The following DPYD variants were observed in gnomAD, a reference collection of about 807,000 sequenced individuals.
DPYD encodes dihydropyrimidine dehydrogenase [NADP(+)].
A neutral mutation model predicts 116.2 loss-of-function variants in DPYD; 109 were observed. That is an observed-to-expected ratio of 0.94 (90% CI 0.80 to 1.10). The LOEUF (loss-of-function observed/expected upper bound fraction) is 1.10. DPYD is among the 50% of genes least tolerant of loss of function. The pLI is 0.00. For synonymous variants in DPYD, 440 were observed against 432.0 expected (o/e 1.02, Z -0.23); for missense variants, 1,302 against 1,254.5 (o/e 1.04, Z -0.57).
At chr1:97,108,587 G>C (rs147633082) in intron 20 of DPYD, among the ~76,000 whole-genome samples, 1 of 152,166 alleles carries the variant, frequency 6.6e-6, no homozygotes, top group East Asian at 1.9e-4. Flanking sequence ...AACTGTTTTA[G>C]ACTTCATTAG....
intron 11 of DPYD, among the ~76,000 whole-genome samples, chr1:97,564,966 C>T (rs970030817): frequency 1.3e-5 from 2 of 152,044 alleles, no homozygotes; most frequent in South Asian, 2.1e-4. Context: ...GTACCTTTCT[C>T]GCCTCTCTCC....
intron 13 of DPYD, among the ~76,000 whole-genome samples, chr1:97,509,892 T>C (rs1433025855): frequency 6.6e-6 from 1 of 151,938 alleles, no homozygotes; most frequent in Non-Finnish European, 1.5e-5. Context: ...AAAAGAATTA[T>C]GGATGTGACT....
chr1:97,687,019 C>T (rs1660773452), intron 7 of DPYD, among the ~76,000 whole-genome samples: 1 of 152,036 alleles, frequency 6.6e-6, no homozygotes, highest in African/African-American at 2.4e-5. Flanking sequence ...GTCTGTAATC[C>T]CAGCAATTTG....
chr1:97,258,392 G>C (rs540382165), intron 18 of DPYD, among the ~76,000 whole-genome samples: 7 of 152,260 alleles, frequency 4.6e-5, no homozygotes, highest in South Asian at 4.1e-4. Flanking sequence ...TACTTTCAGG[G>C]ACAGCCCTTA....
intron 13 of DPYD, among the ~76,000 whole-genome samples, chr1:97,508,957 T>C (rs1647569851): frequency 6.6e-6 from 1 of 151,936 alleles, no homozygotes; most frequent in South Asian, 2.1e-4. Context: ...AAGTCCAGTG[T>C]AGTCTCTTTG....
chr1:97,737,764 T>C (rs1050630712), intron 4 of DPYD, among the ~76,000 whole-genome samples: 1 of 151,886 alleles, frequency 6.6e-6, no homozygotes, highest in Admixed American at 6.6e-5. Context: ...CTCTCAACCA[T>C]ATATATATAC....
rs984353001 is a variant in DPYD at position 97,779,606 on chromosome 1, C to T, written c.234-39127G>A. On this transcript the variant is annotated intron_variant, in intron 3 of 22. Coordinates refer to ENST00000370192, the MANE Select transcript of DPYD (RefSeq NM_000110.4). ...ATTCTTCTCTATGGATCCAGTGATT[C>T]ATGTTTGTAATGGGTTCTCTGTTTC... Among the ~76,000 whole-genome samples, 6 of 152,124 alleles carry T rather than the reference C, an allele frequency of 3.9e-5. No homozygotes were observed. In the Middle Eastern group the frequency reaches 0.014, roughly 345 times the overall value.
chr1:97,448,432 A>C (rs1377142018), intron 14 of DPYD, among the ~76,000 whole-genome samples: 2 of 152,164 alleles, frequency 1.3e-5, no homozygotes, highest in Non-Finnish European at 1.5e-5. Context: ...AAAGTTGTTC[A>C]AAAAGATCAA....
chr1:97,082,673 G>A (rs1649243628), intron 21 of DPYD, among the ~76,000 whole-genome samples: 1 of 152,096 alleles, frequency 6.6e-6, no homozygotes, highest in Non-Finnish European at 1.5e-5. Context: ...CAATATGCAT[G>A]CCTGGCTTAG....
chr1:97,133,882 C>G (rs1653518951), intron 20 of DPYD, among the ~76,000 whole-genome samples: 1 of 150,006 alleles, frequency 6.7e-6, no homozygotes, highest in African/African-American at 2.5e-5. Flanking sequence ...GCCTGTAGTC[C>G]CAGCTACTCA....
intron 13 of DPYD, among the ~76,000 whole-genome samples, chr1:97,502,173 G>A (rs1421563293): frequency 6.6e-6 from 1 of 152,064 alleles, no homozygotes; most frequent in Non-Finnish European, 1.5e-5. Context: ...CAGGAGGAAA[G>A]AATTTGTGAC....
chr1:97,682,738 C>A (rs899798987), intron 7 of DPYD, among the ~76,000 whole-genome samples: 5 of 151,926 alleles, frequency 3.3e-5, no homozygotes, highest in African/African-American at 1.2e-4. Context: ...GTTTTTGTTT[C>A]TTTATTCCTT....
At chr1:97,134,767 G>A (rs1653656961) in intron 20 of DPYD, among the ~76,000 whole-genome samples, 1 of 152,100 alleles carries the variant, frequency 6.6e-6, no homozygotes, top group African/African-American at 2.4e-5. Context: ...GCTCTGCAGG[G>A]CCACGTGAGA....
intron 2 of DPYD, among the ~76,000 whole-genome samples, chr1:97,870,000 T>A (rs572828264): frequency 6.6e-6 from 1 of 151,854 alleles, no homozygotes; most frequent in East Asian, 2.0e-4. Flanking sequence ...AAGGAAAAGG[T>A]TTTTCTTCCC....
intron 14 of DPYD, among the ~76,000 whole-genome samples, chr1:97,388,783 C>T (rs766211696): frequency 4.6e-5 from 7 of 151,972 alleles, no homozygotes; most frequent in Admixed American, 1.3e-4. Flanking sequence ...CACGGGAGGA[C>T]TAATGATGTT....
intron 20 of DPYD, among the ~76,000 whole-genome samples, chr1:97,142,693 A>G (rs1297690394): frequency 6.6e-6 from 1 of 151,964 alleles, no homozygotes; most frequent in East Asian, 1.9e-4. Context: ...CTCCTCAGCC[A>G]TTCTTTGTTG....
At chr1:97,378,072 A>G (rs1262837396) in intron 15 of DPYD, among the ~76,000 whole-genome samples, 1 of 152,346 alleles carries the variant, frequency 6.6e-6, no homozygotes, top group South Asian at 2.1e-4. Flanking sequence ...TAGCAATGCT[A>G]TCCTCTAGTC....
At chr1:97,552,100 T>C (rs1651366841) in intron 11 of DPYD, among the ~76,000 whole-genome samples, 1 of 152,066 alleles carries the variant, frequency 6.6e-6, no homozygotes, top group Non-Finnish European at 1.5e-5. Flanking sequence ...AACTTTATCA[T>C]GAAGTTACTG....
At position 97,821,019 on chromosome 1, in the gene DPYD, A is replaced by G. The variant is rs1014967605; in HGVS notation, c.233+7095T>C. Among the ~76,000 whole-genome samples, 9 of 152,116 alleles carry G rather than the reference A, an allele frequency of 5.9e-5. No homozygotes were observed. In the South Asian group the frequency reaches 6.2e-4, roughly 11 times the overall value. On this transcript the variant is annotated intron_variant, in intron 3 of 22. Coordinates refer to ENST00000370192, the MANE Select transcript of DPYD (RefSeq NM_000110.4). Reference sequence around the variant, plus strand: ...AGTTATTCAATTCAAGTACCTTCCAATTGCATATATCTATTACCCATAGCC... The same window carrying G: ...AGTTATTCAATTCAAGTACCTTCCAGTTGCATATATCTATTACCCATAGCC...
Sources: allele counts gnomAD v4.1 joint callset (sites outside exome capture counted in the v4.1 genomes callset), GRCh38; gene constraint gnomAD v4.1.1; transcripts MANE v1.5; gene names NCBI Gene and HGNC (gene_info 2026-07-23, HGNC 2026-07-21).